The following SEL1L3 variants were observed in gnomAD, a reference collection of about 807,000 sequenced individuals.
SEL1L3 encodes protein sel-1 homolog 3.
In SEL1L3, 76 loss-of-function variants were observed where a neutral mutation model predicts 142.8. The observed-to-expected ratio is 0.53, with a 90% confidence interval of 0.44 to 0.64. The LOEUF (loss-of-function observed/expected upper bound fraction) is 0.64. Among genes scored for constraint, SEL1L3 ranks in the 30% least tolerant of loss-of-function variants. The pLI, the probability that SEL1L3 is intolerant of heterozygous loss-of-function variation, is 0.00. For missense variants in SEL1L3, 1,262 were observed against 1,381.7 expected, an observed-to-expected ratio of 0.91 and a Z score of 1.37; for synonymous variants, 504 against 519.6, an observed-to-expected ratio of 0.97 and a Z score of 0.41.
chr4:25,754,558 C>T (rs998864263), intron 23 of SEL1L3, among the ~76,000 whole-genome samples: 7 of 151,706 alleles, frequency 4.6e-5, no homozygotes, highest in African/African-American at 1.5e-4. Context: ...CTGGCAGGTA[C>T]CACTGTCGGG....
At chr4:25,843,132 G>A (rs562220284) in intron 2 of SEL1L3, among the ~76,000 whole-genome samples, 2 of 152,304 alleles carry the variant, frequency 1.3e-5, no homozygotes, top group South Asian at 2.1e-4. Context: ...GGTGTGCGTG[G>A]TGGGACACAA....
At chr4:25,726,891 A>G in the SEL1L3 span, among the ~76,000 whole-genome samples, 1 of 152,178 alleles carries the variant, frequency 6.6e-6, no homozygotes, top group African/African-American at 2.4e-5. Flanking sequence ...CTCACAGTTC[A>G]GGAGGCTGGA....
At chr4:25,714,945 T>C in the SEL1L3 span, among the ~76,000 whole-genome samples, 2 of 152,024 alleles carry the variant, frequency 1.3e-5, no homozygotes, top group Non-Finnish European at 2.9e-5. Context: ...GGAAAAAACC[T>C]AACAAAAGCA....
intron 9 of SEL1L3, among the ~76,000 whole-genome samples, chr4:25,805,012 A>G (rs891070276): frequency 6.6e-6 from 1 of 152,166 alleles, no homozygotes; most frequent in Admixed American, 6.5e-5. Context: ...TAGCTTAGAA[A>G]TCGCCTCAAG....
At chr4:25,762,709 G>T (rs28393370) in intron 20 of SEL1L3, among the ~76,000 whole-genome samples, 50,305 of 152,000 alleles carry the variant, frequency 0.33, 8,439 homozygotes, top group Middle Eastern at 0.42. Flanking sequence ...GGCCAGGTGC[G>T]GTGCTCACCC....
At chr4:25,860,630 A>G (rs1717637845) in intron 1 of SEL1L3, 1 of 152,202 alleles carries the variant, frequency 6.6e-6, no homozygotes, top group African/African-American at 2.4e-5. Context: ...TGTCCTTTGC[A>G]AAATGGCTCT....
chr4:25,728,787 T>C, the SEL1L3 span, among the ~76,000 whole-genome samples: 1 of 150,210 alleles, frequency 6.7e-6, no homozygotes, highest in Non-Finnish European at 1.5e-5. Context: ...GCAGAAGAAT[T>C]GCTTGAGCCC....
the SEL1L3 span, among the ~76,000 whole-genome samples, chr4:25,724,543 T>C: frequency 6.6e-6 from 1 of 151,666 alleles, no homozygotes; most frequent in African/African-American, 2.4e-5. Context: ...AAATCGAGAC[T>C]ATCCTGGCTA....
At chr4:25,716,247 C>T in the SEL1L3 span, among the ~76,000 whole-genome samples, 1 of 151,790 alleles carries the variant, frequency 6.6e-6, no homozygotes, top group Non-Finnish European at 1.5e-5. Flanking sequence ...ATGTAAATGG[C>T]CAATTAACAT....
intron 2 of SEL1L3, among the ~76,000 whole-genome samples, chr4:25,843,563 T>G (rs1054033585): frequency 6.6e-6 from 1 of 152,150 alleles, no homozygotes; most frequent in South Asian, 2.1e-4. Flanking sequence ...CAGGCACACA[T>G]GTGATTTGGG....
chr4:25,749,544 G>GC (rs1229567858), intron 23 of SEL1L3, among the ~76,000 whole-genome samples: 2 of 152,122 alleles, frequency 1.3e-5, no homozygotes, highest in South Asian at 2.1e-4. Flanking sequence ...CACTGCACAA[G>GC]CCCCCCACAG....
rs1235016026 is a variant in SEL1L3 at position 25,790,475 on chromosome 4, G to T, written c.2056C>A (p.Arg686=). 9 of 1,613,632 alleles carry T rather than the reference G, an allele frequency of 5.6e-6. No homozygotes were observed. The highest frequency in any genetic ancestry group is 6.8e-6 in the Non-Finnish European group (8 of 1,179,770). Reference sequence around the variant, plus strand: ...TTTACCTGAGCTGCTGCATTGCCTCGGGTAGCTTCATGCTTCAACCACATA... The same window carrying T: ...TTTACCTGAGCTGCTGCATTGCCTCTGGTAGCTTCATGCTTCAACCACATA... ...VFMWLKHEAT[R]GNAAAQQRLA... is the part of the protein sequence containing the mutation. Residue 686 remains arginine (R), a synonymous_variant, in exon 12 of 24, where the codon CGA becomes AGA. Coordinates refer to ENST00000399878, the MANE Select transcript of SEL1L3 (RefSeq NM_015187.5).
intron 20 of SEL1L3, among the ~76,000 whole-genome samples, chr4:25,760,456 C>T (rs1016955771): frequency 6.6e-6 from 1 of 152,112 alleles, no homozygotes; most frequent in African/African-American, 2.4e-5. Flanking sequence ...ATTGCTGGGT[C>T]TTGAGGAATT....
chr4:25,811,659 C>T lies in SEL1L3; in HGVS notation c.1564+6479G>A, dbSNP rs142266407. ...GTTGCTAAACAAATATTTATTGAGG[C>T]AAGAGTCTTAAAAAACAAACAAACA... is the stretch of plus-strand genomic sequence containing the variant. On this transcript the variant is annotated intron_variant, in intron 9 of 23. Coordinates refer to ENST00000399878, the MANE Select transcript of SEL1L3 (RefSeq NM_015187.5). Among the ~76,000 whole-genome samples the T allele has an allele frequency of 9.5e-3, 1,433 of 151,426 alleles. 23 individuals carry two copies. The highest frequency in any genetic ancestry group is 0.033 in the African/African-American group (1,354 of 41,204).
chr4:25,849,716 A>C (rs569678431), intron 1 of SEL1L3, among the ~76,000 whole-genome samples: 1 of 152,356 alleles, frequency 6.6e-6, no homozygotes, highest in South Asian at 2.1e-4. Flanking sequence ...ATTTAAAAGA[A>C]AAAAGTCACT....
chr4:25,841,464 G>A (rs1228629537), intron 2 of SEL1L3, among the ~76,000 whole-genome samples: 1 of 152,184 alleles, frequency 6.6e-6, no homozygotes, highest in Non-Finnish European at 1.5e-5. Context: ...GTGAATGAAT[G>A]ACTTAAAATA....
At chr4:25,850,403 C>G (rs1716803793) in intron 1 of SEL1L3, among the ~76,000 whole-genome samples, 1 of 152,092 alleles carries the variant, frequency 6.6e-6, no homozygotes, top group African/African-American at 2.4e-5. Flanking sequence ...CATTTTTTCC[C>G]TACTAGATTT....
At chr4:25,763,889 C>G (rs79903926) in intron 20 of SEL1L3, among the ~76,000 whole-genome samples, 2,942 of 152,246 alleles carry the variant, frequency 0.019, 45 homozygotes, top group Non-Finnish European at 0.024. Flanking sequence ...AAGATTGATA[C>G]AGGGATAAGT....
At chr4:25,853,587 G>T (rs1717042417) in intron 1 of SEL1L3, among the ~76,000 whole-genome samples, 2 of 147,702 alleles carry the variant, frequency 1.4e-5, no homozygotes, top group African/African-American at 2.5e-5. Context: ...TATATTAATT[G>T]TATGTTGACA....
Sources: gnomAD v4.1 joint callset for allele counts (sites outside exome capture counted in the v4.1 genomes callset) on GRCh38, gnomAD v4.1.1 for gene constraint, MANE v1.5 for transcripts, NCBI Gene and HGNC (gene_info 2026-07-23, HGNC 2026-07-21) for gene names.